The following BTBD8 variants were observed in gnomAD, a reference collection of about 807,000 sequenced individuals.
BTBD8 encodes BTB domain containing 8, also known as BTB/POZ domain-containing protein 8.
Under a neutral mutation model 162.9 loss-of-function variants are expected in BTBD8, and 110 were observed. The observed-to-expected ratio is 0.68, with a 90% confidence interval of 0.58 to 0.79. The LOEUF is 0.79. Among genes scored for constraint, BTBD8 ranks in the 30% least tolerant of loss-of-function variants. The pLI is 0.00. For synonymous variants in BTBD8, 667 were observed against 716.1 expected (o/e 0.93, Z 1.10); for missense variants, 1,905 against 2,085.4 (o/e 0.91, Z 1.68).
chr1:92,095,296 G>C (rs1648417618), intron 2 of BTBD8, among the ~76,000 whole-genome samples: 1 of 152,148 alleles, frequency 6.6e-6, no homozygotes, highest in African/African-American at 2.4e-5. Context: ...CCCTGATCCT[G>C]TTCAGTTGCT....
intron 13 of BTBD8, among the ~76,000 whole-genome samples, chr1:92,174,794 C>T (rs1234007298): frequency 1.3e-5 from 2 of 152,096 alleles, no homozygotes; most frequent in Non-Finnish European, 2.9e-5. Context: ...TCTGAAATGT[C>T]CCAGGCTGGT....
Position 92,167,956 on chromosome 1 carries a change from C to G in BTBD8, c.1414C>G (p.Leu472Val), listed in dbSNP as rs1480232569. The G allele has an allele frequency of 6.5e-7, 1 of 1,548,410 alleles. No individual in the cohort carries two copies. Among genetic ancestry groups the G allele is most frequent in the East Asian group, 2.4e-5 (1 of 40,834 alleles). The change falls in exon 11 of 18, where the codon CTG becomes GTG. Residue 472 changes from leucine (L) to valine (V), a missense_variant. Leu to Val is a conservative substitution (Grantham distance 32). This residue lies in a region of BTBD8 where 1,374 missense variants were observed against 1,442.7 expected (regional missense o/e 0.95). Coordinates refer to ENST00000636805, the MANE Select transcript of BTBD8 (RefSeq NM_001376131.1). ...SCSLLMALDTLLNSDSTKEMG... is the reference protein window; with the variant it reads ...SCSLLMALDTVLNSDSTKEMG... ...CTCTCTTCTTATGGCTCTGGACACA[C>G]TGCTGAACTCTGACAGTACAAAGGA...
intron 5 of BTBD8, among the ~76,000 whole-genome samples, chr1:92,134,682 C>A (rs12071088): frequency 0.021 from 3,236 of 152,104 alleles, 129 homozygotes; most frequent in African/African-American, 0.074. Flanking sequence ...TTGCCCATGT[C>A]CTTCCACTAG....
At chr1:92,088,627 TA>T (rs938562610) in intron 1 of BTBD8, 70 bp from the exon 2 acceptor site, 19 of 1,228,750 alleles carry the variant, frequency 1.5e-5, no homozygotes, top group Middle Eastern at 2.5e-4. Flanking sequence ...ATTTTAAACC[TA>T]CTTTATAAAA....
chr1:92,120,274 C>G (rs2093879), intron 4 of BTBD8, among the ~76,000 whole-genome samples: 90,561 of 151,936 alleles, frequency 0.6, 27,714 homozygotes, highest in East Asian at 0.97. Context: ...ACATTACTTA[C>G]TAGGCCTACA....
In BTBD8 at chr1:92,119,279, CTTTTTTTCTTTTTTT is replaced by C. The variant is rs375912512; in HGVS notation, c.663-10400_663-10386del. ...CATGTATAGCTGTACAAATTTTTTT[CTTTTTTTCTTTTTTT>C]TTTTTTTTTGAGACAGGGTCTTGCT... On this transcript the variant is annotated intron_variant, in intron 4 of 17. Transcript: ENST00000636805. Among the ~76,000 whole-genome samples the C allele has an allele frequency of 2.3e-3, 342 of 146,472 alleles. 9 individuals are homozygous for C. The highest frequency in any genetic ancestry group is 8.5e-3 in the African/African-American group (336 of 39,680).
chr1:92,085,436 A>G (rs1032872709), intron 1 of BTBD8, among the ~76,000 whole-genome samples: 1 of 152,222 alleles, frequency 6.6e-6, no homozygotes, highest in Non-Finnish European at 1.5e-5. Flanking sequence ...TACTAAAAAT[A>G]CAAAAACTAG....
At chr1:92,107,095 G>T (rs1648754024) in intron 3 of BTBD8, among the ~76,000 whole-genome samples, 2 of 151,574 alleles carry the variant, frequency 1.3e-5, no homozygotes, top group South Asian at 4.2e-4. Flanking sequence ...ATAAAATACA[G>T]TTTTTTTTAG....
At chr1:92,160,778 C>T (rs1650257298) in intron 9 of BTBD8, among the ~76,000 whole-genome samples, 1 of 152,088 alleles carries the variant, frequency 6.6e-6, no homozygotes, top group Admixed American at 6.6e-5. Context: ...CATCATCTAC[C>T]TTCTTTGTTC....
At chr1:92,112,345 A>G (rs1318430661) in intron 4 of BTBD8, among the ~76,000 whole-genome samples, 1 of 152,164 alleles carries the variant, frequency 6.6e-6, no homozygotes, top group Non-Finnish European at 1.5e-5. Flanking sequence ...TTGAGGTTGC[A>G]ATGAGCCAGT....
intron 11 of BTBD8, 23 bp downstream of exon 11, chr1:92,168,008 T>C (rs1650428633): frequency 6.6e-7 from 1 of 1,513,286 alleles, no homozygotes; most frequent in African/African-American, 1.4e-5. Context: ...ATGAAATTTA[T>C]TAAAATAATG....
In BTBD8 at chr1:92,181,027, C is replaced by T. The variant is rs2100692686; in HGVS notation, c.3344C>T (p.Ala1115Val). 1 of 1,551,792 alleles carries T rather than the reference C, an allele frequency of 6.4e-7. No individual in the cohort carries two copies. ...GTTTGTGATTTAGACTCAACAAGTGCAGGGCAAATCCATTTGATATCAGAT... is the reference window on the plus strand; with the variant it reads ...GTTTGTGATTTAGACTCAACAAGTGTAGGGCAAATCCATTTGATATCAGAT... ...NPVCDLDSTS[A>V]GQIHLISDRE... Residue 1115 changes from alanine (A) to valine (V), a missense_variant, in exon 17 of 18, where the codon GCA becomes GTA. Around this residue, in one of 3 missense-constraint regions of BTBD8, gnomAD observed 1,374 missense variants for 1,442.7 expected, o/e 0.95. Coordinates refer to ENST00000636805, the MANE Select transcript of BTBD8 (RefSeq NM_001376131.1).
At chr1:92,135,637 TA>T (rs1205167392) in intron 5 of BTBD8, among the ~76,000 whole-genome samples, 2 of 152,184 alleles carry the variant, frequency 1.3e-5, no homozygotes, top group African/African-American at 4.8e-5. Context: ...ACACTTTTAG[TA>T]AAAAATACAA....
intron 6 of BTBD8, chr1:92,140,027 T>TTGAACC (rs1649735156): frequency 6.8e-6 from 1 of 147,136 alleles, no homozygotes; most frequent in Admixed American, 6.8e-5. Flanking sequence ...GGAGAATCGC[T>TTGAACC]TGAACCTGGG....
intron 2 of BTBD8, among the ~76,000 whole-genome samples, chr1:92,100,693 T>C (rs1648567481): frequency 6.6e-6 from 1 of 152,106 alleles, no homozygotes; most frequent in African/African-American, 2.4e-5. Flanking sequence ...CACTGCAAGC[T>C]CTGCCTCCTG....
At chr1:92,084,361 T>C (rs1648098564) in intron 1 of BTBD8, among the ~76,000 whole-genome samples, 1 of 152,184 alleles carries the variant, frequency 6.6e-6, no homozygotes, top group Non-Finnish European at 1.5e-5. Flanking sequence ...GTATGGTGGA[T>C]GTACCTGCGT....
intron 4 of BTBD8, among the ~76,000 whole-genome samples, chr1:92,123,602 G>C (rs1649271771): frequency 6.6e-6 from 1 of 151,830 alleles, no homozygotes; most frequent in Non-Finnish European, 1.5e-5. Flanking sequence ...AGTGTAAATG[G>C]AAATTTTTTC....
In BTBD8 at chr1:92,177,411, A is replaced by G; in HGVS notation, c.2218A>G (p.Thr740Ala). ...TTCAAGTATGGAATTCTCAATTTCCACTGAATGTCTGGATGAACCGAAAGA... is the reference window on the plus strand; with the variant it reads ...TTCAAGTATGGAATTCTCAATTTCCGCTGAATGTCTGGATGAACCGAAAGA... ...TDSSMEFSISTECLDEPKENG... is the reference protein window; with the variant it reads ...TDSSMEFSISAECLDEPKENG... The change falls in exon 14 of 18, where the codon ACT (threonine) becomes GCT (alanine). Residue 740 changes from threonine (T) to alanine (A), a missense_variant. This residue lies in a region of BTBD8 where 1,374 missense variants were observed against 1,442.7 expected (regional missense o/e 0.95). Coordinates refer to ENST00000636805, the MANE Select transcript of BTBD8 (RefSeq NM_001376131.1). 1 of 1,551,748 alleles carries G rather than the reference A, an allele frequency of 6.4e-7. No individual in the cohort carries two copies.
intron 3 of BTBD8, among the ~76,000 whole-genome samples, chr1:92,106,739 C>G (rs4658290): frequency 0.61 from 88,173 of 145,214 alleles, 26,958 homozygotes; most frequent in East Asian, 0.97. Flanking sequence ...CAAAATTAAT[C>G]AAATCAAAAT....
Sources: allele counts gnomAD v4.1 joint callset (sites outside exome capture counted in the v4.1 genomes callset), GRCh38; gene constraint gnomAD v4.1.1; regional missense constraint gnomAD v4.1.1; transcripts MANE v1.5; gene names NCBI Gene and HGNC (gene_info 2026-07-23, HGNC 2026-07-21).